Variants in PLB1 observed in about 807,000 individuals in gnomAD.
The protein encoded by PLB1 is phospholipase B1.
Under a neutral mutation model 227.4 loss-of-function variants are expected in PLB1, and 242 were observed. That is an observed-to-expected ratio of 1.06 (90% CI 0.96 to 1.18). PLB1 has a LOEUF of 1.18. PLB1 is among the 50% of genes most tolerant of loss of function. The pLI is 0.00. For missense variants in PLB1, 1,858 were observed against 1,816.3 expected (o/e 1.02, Z -0.42); for synonymous variants, 757 against 682.2 (o/e 1.11, Z -1.71).
chr2:28,606,940 C>T (rs1424256252), intron 43 of PLB1, among the ~76,000 whole-genome samples: 1 of 152,038 alleles, frequency 6.6e-6, no homozygotes, highest in East Asian at 1.9e-4. Context: ...GGTTAGAGGG[C>T]CCAGGCAGGA....
intron 6 of PLB1, among the ~76,000 whole-genome samples, chr2:28,526,979 C>T (rs1262664794): frequency 6.6e-6 from 1 of 152,116 alleles, no homozygotes; most frequent in Non-Finnish European, 1.5e-5. Context: ...AGGAGGGTCC[C>T]CTTGGAGAGA....
chr2:28,642,346 G>A (rs1239630250), intron 57 of PLB1, among the ~76,000 whole-genome samples: 1 of 134,184 alleles, frequency 7.5e-6, no homozygotes, highest in Non-Finnish European at 1.6e-5. Flanking sequence ...TCACTGAGAG[G>A]AGAGTGGAGA....
At chr2:28,575,747 T>C (rs1317268328) in intron 21 of PLB1, among the ~76,000 whole-genome samples, 1 of 152,102 alleles carries the variant, frequency 6.6e-6, no homozygotes, top group East Asian at 1.9e-4. Context: ...GAGACAGCGT[T>C]TCACCGTGTT....
chr2:28,605,799 G>A, intron 41 of PLB1, 54 bp from the exon 42 acceptor site: 1 of 1,455,792 alleles, frequency 6.9e-7, no homozygotes, highest in East Asian at 2.3e-5. Flanking sequence ...GTCCGCTGGT[G>A]GTGGCTCCCT....
At chr2:28,510,216 G>T (rs887214621) in intron 1 of PLB1, among the ~76,000 whole-genome samples, 3 of 152,144 alleles carry the variant, frequency 2.0e-5, no homozygotes, top group African/African-American at 7.2e-5. Flanking sequence ...TAATCCTCAC[G>T]CAACTCCATG....
intron 43 of PLB1, among the ~76,000 whole-genome samples, chr2:28,609,368 G>A (rs1685122909): frequency 1.3e-5 from 2 of 151,790 alleles, no homozygotes; most frequent in South Asian, 4.2e-4. Context: ...CTCTATTTCT[G>A]ACCTTTAAAA....
intron 1 of PLB1, among the ~76,000 whole-genome samples, chr2:28,514,872 T>C (rs1002229210): frequency 2.6e-5 from 4 of 152,084 alleles, no homozygotes; most frequent in Non-Finnish European, 4.4e-5. Flanking sequence ...TAGAGATGGG[T>C]TCTCATTATG....
intron 38 of PLB1, 46 bp downstream of exon 38, chr2:28,602,010 A>T (rs1461864099): frequency 6.6e-7 from 1 of 1,507,172 alleles, no homozygotes; most frequent in South Asian, 1.1e-5. Context: ...AAGCATGGTG[A>T]GGGTGAAGGT....
At chr2:28,609,595 C>T (rs962238378) in intron 43 of PLB1, among the ~76,000 whole-genome samples, 13 of 152,090 alleles carry the variant, frequency 8.5e-5, no homozygotes, top group African/African-American at 1.7e-4. Context: ...ATCTTTTTGA[C>T]GCTCAGAGCT....
In PLB1 at chr2:28,589,715, T is replaced by G; in HGVS notation, c.1961T>G (p.Phe654Cys). Residue 654 changes from phenylalanine (F) to cysteine (C), a missense_variant, in exon 28 of 58, where the codon TTC (phenylalanine) becomes TGC (cysteine). Transcript: ENST00000327757. Reference protein sequence around the residue: ...PDNSFFAPDCFHFSSKSHSRA... With the variant: ...PDNSFFAPDCCHFSSKSHSRA... ...AACTCTTTCTTCGCTCCTGACTGTT[T>G]CCACTTCAGCAGCAAGTCTCACTCC... 1 of 1,614,110 alleles carries G rather than the reference T, an allele frequency of 6.2e-7. No homozygotes were observed. Among genetic ancestry groups the G allele is most frequent in the South Asian group, 1.1e-5 (1 of 91,082 alleles).
rs746224994 is a variant in PLB1 at position 28,620,855 on chromosome 2, TCTCCTC to T, written c.3428-11_3428-6del. The T allele has an allele frequency of 6.7e-5, 107 of 1,595,472 alleles. No homozygotes were observed. The highest frequency in any genetic ancestry group is 8.2e-5 in the Non-Finnish European group (95 of 1,163,290). ...TCCTGCAGGCTCTCACCTGTGCTCT[TCTCCTC>T]CTCCTCCTCCTCTAAAGACATTCTG... On this transcript the variant is annotated intron_variant, in intron 48 of 57. Coordinates refer to ENST00000327757, the MANE Select transcript of PLB1 (RefSeq NM_153021.5).
chr2:28,520,036 C>G (rs1323863589), intron 4 of PLB1, among the ~76,000 whole-genome samples: 3 of 152,100 alleles, frequency 2.0e-5, no homozygotes, highest in Non-Finnish European at 4.4e-5. Flanking sequence ...TCAAGTGATT[C>G]TCCTGCCTCA....
intron 33 of PLB1, chr2:28,595,432 T>C (rs1184778962): frequency 6.6e-6 from 1 of 152,160 alleles, no homozygotes; most frequent in Non-Finnish European, 1.5e-5. Flanking sequence ...CATGGAACAT[T>C]AACTCCAGAC....
rs2148186467 is a variant in PLB1, at chr2:28,525,259, T to C, written c.244-8T>C. The C allele has an allele frequency of 6.2e-7, 1 of 1,613,036 alleles. No homozygotes were observed. The highest frequency in any genetic ancestry group is 1.1e-5 in the South Asian group (1 of 90,950). ...TGGCTGGGTGTTAACATTGAGTATCTATTCCAGCCTCCAGACCCAGGGACG... is the reference window on the plus strand; with the variant it reads ...TGGCTGGGTGTTAACATTGAGTATCCATTCCAGCCTCCAGACCCAGGGACG... On this transcript the variant is annotated splice_region_variant and splice_polypyrimidine_tract_variant and intron_variant, in intron 4 of 57. Transcript: ENST00000327757.
At chr2:28,524,574 A>G (rs1343337817) in intron 4 of PLB1, among the ~76,000 whole-genome samples, 1 of 152,230 alleles carries the variant, frequency 6.6e-6, no homozygotes, top group Non-Finnish European at 1.5e-5. Flanking sequence ...GTTAAGTACA[A>G]AATGGACACA....
chr2:28,609,283 C>T (rs1269204733), intron 43 of PLB1, among the ~76,000 whole-genome samples: 1 of 152,080 alleles, frequency 6.6e-6, no homozygotes, highest in Non-Finnish European at 1.5e-5. Flanking sequence ...CCAGGATTTC[C>T]TGTAAAATTT....
chr2:28,585,459 T>G (rs751209239), intron 25 of PLB1: 8 of 291,468 alleles, frequency 2.7e-5, no homozygotes, highest in Non-Finnish European at 5.4e-5. Context: ...GTATTTTTAG[T>G]AGAGACGGGG....
chr2:28,567,413 A>T (rs912679699), intron 20 of PLB1, among the ~76,000 whole-genome samples: 4 of 148,650 alleles, frequency 2.7e-5, no homozygotes, highest in Non-Finnish European at 5.9e-5. Flanking sequence ...CCATTTTGGG[A>T]CTCAGCACTT....
intron 37 of PLB1, among the ~76,000 whole-genome samples, 199 bp from the exon 38 acceptor site, chr2:28,601,700 G>A (rs1489004558): frequency 2.0e-5 from 3 of 152,228 alleles, no homozygotes; most frequent in Non-Finnish European, 4.4e-5. Context: ...GAAGGTTCCA[G>A]TCTTCCCACT....
Sources: allele counts gnomAD v4.1 joint callset (sites outside exome capture counted in the v4.1 genomes callset), GRCh38; gene constraint gnomAD v4.1.1; transcripts MANE v1.5; gene names NCBI Gene and HGNC (gene_info 2026-07-23, HGNC 2026-07-21).